Variants in SLAIN1 observed in about 807,000 individuals in gnomAD.
SLAIN1 encodes the protein SLAIN family member 1.
In SLAIN1, 17 loss-of-function variants were observed where a neutral mutation model predicts 55.4. That is an observed-to-expected ratio of 0.31 (90% CI 0.21 to 0.46). SLAIN1 has a LOEUF of 0.46. SLAIN1 is among the 20% of genes least tolerant of loss of function. The pLI, the probability that SLAIN1 is intolerant of heterozygous loss-of-function variation, is 1.00. For missense variants in SLAIN1, 682 were observed against 785.1 expected (o/e 0.87, Z 1.57); for synonymous variants, 348 against 337.4 (o/e 1.03, Z -0.35).
chr13:77,753,326 C>G lies in SLAIN1; in HGVS notation c.1382C>G (p.Ala461Gly), dbSNP rs367929864. The G allele has an allele frequency of 6.2e-7, 1 of 1,609,654 alleles. No individual in the cohort carries two copies. The highest frequency in any genetic ancestry group is 1.3e-5 in the African/African-American group (1 of 74,770). Residue 461 changes from alanine to glycine, a missense_variant, in exon 5 of 7, where the codon GCT becomes GGT. Around this residue, in one of 3 missense-constraint regions of SLAIN1, gnomAD observed 244 missense variants for 295.2 expected, o/e 0.83. Coordinates refer to ENST00000418532, the MANE Select transcript of SLAIN1 (RefSeq NM_001242868.2). ...SQSFDSSLHG[A>G]GNGISRIQSC... is the part of the protein sequence containing the mutation. ...AGTTTTGACTCAAGCTTGCATGGAG[C>G]TGGAAATGGAATTTCAAGAATACAA... is the stretch of plus-strand genomic sequence containing the variant.
chr13:77,706,813 T>C (rs1402326231), intron 1 of SLAIN1, among the ~76,000 whole-genome samples: 1 of 152,210 alleles, frequency 6.6e-6, no homozygotes. Flanking sequence ...TTGGACTGGC[T>C]ATAAAAGTCT....
At chr13:77,706,305 A>G in intron 1 of SLAIN1, among the ~76,000 whole-genome samples, 1 of 152,050 alleles carries the variant, frequency 6.6e-6, no homozygotes, top group East Asian at 1.9e-4. Context: ...ATTATAATTT[A>G]CTAGCTAAGT....
intron 6 of SLAIN1, among the ~76,000 whole-genome samples, chr13:77,762,558 C>G (rs1875117654): frequency 6.6e-6 from 1 of 151,714 alleles, no homozygotes; most frequent in Non-Finnish European, 1.5e-5. Flanking sequence ...ATCACCACTC[C>G]CAGATAATTT....
At chr13:77,726,062 A>T (rs893362546) in intron 2 of SLAIN1, among the ~76,000 whole-genome samples, 20 of 152,238 alleles carry the variant, frequency 1.3e-4, no homozygotes, top group African/African-American at 4.6e-4. Flanking sequence ...CTGGACCTAG[A>T]TAACAAAACT....
At chr13:77,718,900 T>C (rs574397874) in intron 1 of SLAIN1, among the ~76,000 whole-genome samples, 4 of 152,278 alleles carry the variant, frequency 2.6e-5, no homozygotes, top group South Asian at 4.1e-4. Flanking sequence ...ATACTATCCA[T>C]TACTGTGTAA....
At position 77,698,770 on chromosome 13, in the gene SLAIN1, C is replaced by T. The variant is rs946891175; in HGVS notation, c.626+231C>T. 8.4e-7 allele frequency: 1 copy of T among 1,190,846 alleles called. No individual in the cohort carries two copies. Among genetic ancestry groups the T allele is most frequent in the Non-Finnish European group, 1.1e-6 (1 of 887,762 alleles). 73.8% of individuals were successfully genotyped at this position (1,190,846 alleles called of 1,614,324 possible). ...CTAATCGCTCCGACTGCGGATGAAC[C>T]GGCCCCCCCTTCCCCCCATCTGCCA... On this transcript the variant is annotated intron_variant, in intron 1 of 6. Coordinates refer to ENST00000418532, the MANE Select transcript of SLAIN1 (RefSeq NM_001242868.2). The surrounding 1 kb of genome is among the most constrained non-coding windows in gnomAD (Gnocchi z 4.1).
chr13:77,742,703 T>C (rs1174029141), intron 2 of SLAIN1: 1 of 152,632 alleles, frequency 6.6e-6, no homozygotes, highest in Non-Finnish European at 1.5e-5. Context: ...AATCCTTATG[T>C]GGAAATAGAA....
At chr13:77,718,235 C>G (rs983832155) in intron 1 of SLAIN1, among the ~76,000 whole-genome samples, 1 of 151,856 alleles carries the variant, frequency 6.6e-6, no homozygotes, top group African/African-American at 2.4e-5. Flanking sequence ...GGGTAAGATA[C>G]GGTTTTATGT....
chr13:77,726,178 A>C (rs1314753590), intron 2 of SLAIN1, among the ~76,000 whole-genome samples: 1 of 152,142 alleles, frequency 6.6e-6, no homozygotes, highest in African/African-American at 2.4e-5. Flanking sequence ...TTTTTTTCTG[A>C]AGAAAATGAA....
At chr13:77,721,028 T>C (rs2091256612) in intron 2 of SLAIN1, among the ~76,000 whole-genome samples, 1 of 152,152 alleles carries the variant, frequency 6.6e-6, no homozygotes, top group East Asian at 1.9e-4. Flanking sequence ...TTTACCTAAG[T>C]GACTCGAAGA....
intron 2 of SLAIN1, among the ~76,000 whole-genome samples, chr13:77,723,087 C>A (rs1023776497): frequency 6.6e-6 from 1 of 152,060 alleles, no homozygotes; most frequent in African/African-American, 2.4e-5. Context: ...GAAAAAGACA[C>A]CTAGTTTTGT....
rs2329037 is a variant in SLAIN1, at chr13:77,751,357, T to C, written c.1259-1846T>C. On this transcript the variant is annotated intron_variant, in intron 4 of 6. Transcript: ENST00000418532. ...AATTTTAAGTTTAATTAAATTTATT[T>C]TAGATTTTCTCTTTAGGATCAACAA... Among the ~76,000 whole-genome samples, 1,213 of 152,284 alleles carry C rather than the reference T, an allele frequency of 8.0e-3. 20 individuals carry two copies. Among genetic ancestry groups the C allele is most frequent in the African/African-American group, 0.027 (1,132 of 41,548 alleles).
intron 6 of SLAIN1, 76 bp from the exon 7 acceptor site, chr13:77,763,069 G>GAGT: frequency 8.2e-7 from 1 of 1,215,436 alleles, no homozygotes; most frequent in African/African-American, 1.5e-5. Flanking sequence ...ATAGATGGGA[G>GAGT]AGTAGGTCAA....
At chr13:77,743,263 C>A in intron 2 of SLAIN1, 2 of 1,029,498 alleles carry the variant, frequency 1.9e-6, no homozygotes, top group Non-Finnish European at 2.6e-6. Context: ...TGAGAATAAT[C>A]TTAAGAGTGG....
At chr13:77,761,900 C>T (rs1320427873) in intron 6 of SLAIN1, among the ~76,000 whole-genome samples, 1 of 152,038 alleles carries the variant, frequency 6.6e-6, no homozygotes, top group Non-Finnish European at 1.5e-5. Context: ...ACAATAAATA[C>T]AGACAGCTCT....
chr13:77,762,786 C>T (rs900113838), intron 6 of SLAIN1, among the ~76,000 whole-genome samples: 1 of 152,152 alleles, frequency 6.6e-6, no homozygotes, highest in African/African-American at 2.4e-5. Context: ...TATTCATTTG[C>T]TGTTTGTATT....
At chr13:77,745,920 A>G (rs1037126683) in intron 3 of SLAIN1, among the ~76,000 whole-genome samples, 15 of 152,128 alleles carry the variant, frequency 9.9e-5, no homozygotes, top group African/African-American at 3.4e-4. Flanking sequence ...TAGTTTGACT[A>G]TTTTTAGATG....
At chr13:77,759,342 A>G (rs1174053292) in intron 5 of SLAIN1, among the ~76,000 whole-genome samples, 1 of 152,050 alleles carries the variant, frequency 6.6e-6, no homozygotes, top group Non-Finnish European at 1.5e-5. Flanking sequence ...ATGAATCTTC[A>G]GGGTTTTCTA....
rs1162589100 is a variant in SLAIN1 at position 77,698,210 on chromosome 13, G to C, written c.297G>C (p.Gly99=). 5.8e-5 allele frequency: 75 copies of C among 1,283,246 alleles called. No homozygotes were observed. The highest frequency in any genetic ancestry group is 3.0e-4 in the Middle Eastern group (1 of 3,310). 79.5% of individuals were successfully genotyped at this position (1,283,246 alleles called of 1,614,324 possible). ...CGGCCTCAGGGGGCCTGGGGCTCGG[G>C]CTGGCGCTGGGCGCGGGGGGCGGTG... ...TAAASGGLGL[G]LALGAGGGGG... Residue 99 remains glycine (G), a synonymous_variant, in exon 1 of 7, where the codon GGG becomes GGC. Coordinates refer to ENST00000418532, the MANE Select transcript of SLAIN1 (RefSeq NM_001242868.2). This position sits in a 1 kb window ranked among gnomAD's most constrained non-coding sequence, Gnocchi z 4.1.
Sources: gnomAD v4.1 joint callset for allele counts (sites outside exome capture counted in the v4.1 genomes callset) on GRCh38, gnomAD v4.1.1 for gene constraint, gnomAD v4.1.1 regional missense constraint, Gnocchi (gnomAD v3.1) non-coding constraint, MANE v1.5 for transcripts, NCBI Gene and HGNC (gene_info 2026-07-23, HGNC 2026-07-21) for gene names.